ANKRD6: variants seen among roughly 807,000 people sequenced by gnomAD.
ANKRD6 encodes ankyrin repeat domain 6.
ANKRD6 carries 56 observed loss-of-function variants against 82.3 expected under a neutral mutation model. That is an observed-to-expected ratio of 0.68 (90% CI 0.55 to 0.85). ANKRD6 has a LOEUF of 0.85. Among genes scored for constraint, ANKRD6 ranks in the 40% least tolerant of loss-of-function variants. The probability of loss-of-function intolerance (pLI) is 0.00; values close to 1 mark genes in which losing one functional copy is unlikely to be tolerated. For missense variants in ANKRD6, 852 were observed against 907.6 expected (o/e 0.94, Z 0.79); for synonymous variants, 347 against 352.1 (o/e 0.99, Z 0.16).
chr6:89,491,539 C>T (rs1778005105), intron 1 of ANKRD6, among the ~76,000 whole-genome samples: 1 of 150,758 alleles, frequency 6.6e-6, no homozygotes, highest in African/African-American at 2.4e-5. Context: ...ATTGCAAGAA[C>T]AAAAAGCCAA....
chr6:89,624,902 A>G (rs1360480320), intron 13 of ANKRD6, among the ~76,000 whole-genome samples: 1 of 152,228 alleles, frequency 6.6e-6, no homozygotes, highest in Non-Finnish European at 1.5e-5. Flanking sequence ...TAGAAATAAG[A>G]TATCCCCATT....
At chr6:89,587,893 G>GT (rs1794097320) in intron 2 of ANKRD6, among the ~76,000 whole-genome samples, 1 of 152,184 alleles carries the variant, frequency 6.6e-6, no homozygotes, top group African/African-American at 2.4e-5. Context: ...ATTATAAATT[G>GT]TTTTTAAATG....
chr6:89,439,585 A>G (rs1195029961), intron 1 of ANKRD6, among the ~76,000 whole-genome samples: 1 of 152,232 alleles, frequency 6.6e-6, no homozygotes, highest in African/African-American at 2.4e-5. Flanking sequence ...AGTAATGTGC[A>G]CTAATTCTAG....
In ANKRD6 at chr6:89,618,024, C is replaced by T. The variant is rs367712968; in HGVS notation, c.785C>T (p.Ala262Val). The change falls in exon 9 of 16, where the codon GCT becomes GTT. Residue 262 changes from alanine to valine, a missense_variant. Ala to Val is a moderately conservative substitution (Grantham distance 64). Transcript: ENST00000339746. ...NPEVALLLTK[A>V]PQVLRFSRGR... ...GAAGTTGCTCTTCTCCTTACTAAAG[C>T]TCCCCAGGTAGGATTTACTGCCCTT... The T allele has an allele frequency of 1.2e-6, 2 of 1,614,064 alleles. No individual in the cohort carries two copies. Among genetic ancestry groups the T allele is most frequent in the Non-Finnish European group, 1.7e-6 (2 of 1,179,902 alleles).
chr6:89,569,981 C>A (rs1376570776), intron 2 of ANKRD6, among the ~76,000 whole-genome samples: 1 of 151,956 alleles, frequency 6.6e-6, no homozygotes, highest in Non-Finnish European at 1.5e-5. Context: ...GTTCTACCAC[C>A]TGATTCAACA....
chr6:89,574,095 A>C (rs1300321599), intron 2 of ANKRD6, among the ~76,000 whole-genome samples: 1 of 152,196 alleles, frequency 6.6e-6, no homozygotes, highest in African/African-American at 2.4e-5. Context: ...AAGGCACTGA[A>C]TTTGGAATCC....
At chr6:89,536,719 A>G (rs1259039560) in intron 1 of ANKRD6, among the ~76,000 whole-genome samples, 1 of 152,208 alleles carries the variant, frequency 6.6e-6, no homozygotes, top group Non-Finnish European at 1.5e-5. Flanking sequence ...CATATTATCT[A>G]GGGAGAACTT....
chr6:89,461,334 C>T (rs995177581), intron 1 of ANKRD6, among the ~76,000 whole-genome samples: 3 of 152,082 alleles, frequency 2.0e-5, no homozygotes, highest in African/African-American at 7.2e-5. Flanking sequence ...ATATGCCTTT[C>T]ACATAAAGGC....
chr6:89,584,083 G>A (rs770907140), intron 2 of ANKRD6, among the ~76,000 whole-genome samples: 1 of 152,214 alleles, frequency 6.6e-6, no homozygotes, highest in Non-Finnish European at 1.5e-5. Context: ...CATATATTTA[G>A]TAGGTCCTAA....
At chr6:89,540,793 T>C (rs114774907) in intron 1 of ANKRD6, among the ~76,000 whole-genome samples, 1,573 of 152,322 alleles carry the variant, frequency 0.01, 42 homozygotes, top group African/African-American at 0.036. Flanking sequence ...CATTTTGATA[T>C]GATTTTTGAA....
intron 1 of ANKRD6, among the ~76,000 whole-genome samples, chr6:89,505,209 C>A (rs765385549): frequency 7.9e-5 from 12 of 152,160 alleles, no homozygotes; most frequent in Non-Finnish European, 1.0e-4. Flanking sequence ...CCCGTATGCA[C>A]CATCTGTGCA....
chr6:89,560,039 A>C (rs929217904), intron 1 of ANKRD6, among the ~76,000 whole-genome samples: 1 of 152,134 alleles, frequency 6.6e-6, no homozygotes, highest in African/African-American at 2.4e-5. Flanking sequence ...CGGCACCATG[A>C]TAGGCTCTGG....
At position 89,566,930 on chromosome 6, in the gene ANKRD6, G is replaced by C. The variant is rs1386982831; in HGVS notation, c.-47G>C. On this transcript the variant is annotated 5_prime_UTR_variant, in exon 2 of 16. Coordinates refer to ENST00000339746, the MANE Select transcript of ANKRD6 (RefSeq NM_001242809.2). ...CGGGCCAGTGACTTCGTGTTGAGCT[G>C]AAGGAACTTGTCTACCGCTTCCCTG... is the stretch of plus-strand genomic sequence containing the variant. 1 of 1,551,398 alleles carries C rather than the reference G, an allele frequency of 6.4e-7. No homozygotes were observed. Among genetic ancestry groups the C allele is most frequent in the Admixed American group, 2.0e-5 (1 of 51,112 alleles).
At chr6:89,502,506 C>T (rs796429430) in intron 1 of ANKRD6, among the ~76,000 whole-genome samples, 4 of 150,798 alleles carry the variant, frequency 2.7e-5, no homozygotes, top group African/African-American at 4.9e-5. Flanking sequence ...CATGGCAAAG[C>T]GTTATTATTT....
intron 1 of ANKRD6, among the ~76,000 whole-genome samples, chr6:89,563,179 C>G (rs189286364): frequency 5.8e-4 from 89 of 152,242 alleles, no homozygotes; most frequent in African/African-American, 2.1e-3. Context: ...CCTTATAGAC[C>G]TTTTTCTGTA....
chr6:89,599,919 G>C (rs939477623), intron 3 of ANKRD6, among the ~76,000 whole-genome samples: 1 of 152,032 alleles, frequency 6.6e-6, no homozygotes, highest in African/African-American at 2.4e-5. Context: ...GTGTTTATCT[G>C]ACCCGGGCTC....
chr6:89,474,089 T>C (rs1775776636), intron 1 of ANKRD6, among the ~76,000 whole-genome samples: 1 of 150,478 alleles, frequency 6.6e-6, no homozygotes, highest in Non-Finnish European at 1.5e-5. Context: ...GTCTCACCTT[T>C]TGAAACCCTG....
At chr6:89,527,808 T>G (rs1782685894) in intron 1 of ANKRD6, among the ~76,000 whole-genome samples, 1 of 151,880 alleles carries the variant, frequency 6.6e-6, no homozygotes, top group African/African-American at 2.4e-5. Flanking sequence ...CAATTTTGTT[T>G]TTTTGTTTTG....
chr6:89,460,494 TG>T (rs1773995478), intron 1 of ANKRD6, among the ~76,000 whole-genome samples: 1 of 152,126 alleles, frequency 6.6e-6, no homozygotes, highest in African/African-American at 2.4e-5. Flanking sequence ...TGGAGTGCAA[TG>T]GCGCAATCTC....
Sources: gnomAD v4.1 joint callset for allele counts (sites outside exome capture counted in the v4.1 genomes callset) on GRCh38, gnomAD v4.1.1 for gene constraint, MANE v1.5 for transcripts, NCBI Gene and HGNC (gene_info 2026-07-23, HGNC 2026-07-21) for gene names.